The following LUM variants were observed in gnomAD, a reference collection of about 807,000 sequenced individuals.
LUM encodes KSPG lumican.
Under a neutral mutation model 20.5 loss-of-function variants are expected in LUM, and 13 were observed. The observed-to-expected ratio is 0.63, with a 90% confidence interval of 0.41 to 1.01. The LOEUF is 1.01. LUM is among the 50% of genes least tolerant of loss of function. The pLI, the probability that LUM is intolerant of heterozygous loss-of-function variation, is 0.00. For missense variants in LUM, 321 were observed against 391.1 expected, an observed-to-expected ratio of 0.82 and a Z score of 1.51; for synonymous variants, 173 against 151.5, an observed-to-expected ratio of 1.14 and a Z score of -1.04.
intron 2 of LUM, among the ~76,000 whole-genome samples, chr12:91,106,830 G>A (rs1880044679): frequency 6.6e-6 from 1 of 151,670 alleles, no homozygotes; most frequent in Non-Finnish European, 1.5e-5. Context: ...GATCATGACA[G>A]CAGAGTAACA....
At position 91,107,238 on chromosome 12, in the gene LUM, G is replaced by GGAAAGAAAGAAA. The variant is rs1555188589; in HGVS notation, c.862+868_862+879dup. 3.0e-4 allele frequency among the ~76,000 whole-genome samples: 20 copies of GGAAAGAAAGAAA among 67,360 alleles called. 3 individuals carry two copies. The East Asian group carries it at 4.3e-3, about 15-fold the overall frequency. 44.2% of individuals were successfully genotyped at this position (67,360 alleles called of 152,430 possible). ...AAGAGAGAAAGAAGAAAGAAAGAAA[G>GGAAAGAAAGAAA]GAAAGAAAGAAAGAAAGAAAGAAAG... On this transcript the variant is annotated intron_variant, in intron 2 of 2. Transcript: ENST00000266718.
intron 2 of LUM, among the ~76,000 whole-genome samples, chr12:91,106,824 A>G: frequency 6.6e-6 from 1 of 152,012 alleles, no homozygotes; most frequent in Admixed American, 6.6e-5. Flanking sequence ...GATGATGATC[A>G]TGACAGCAGA....
At chr12:91,104,651 C>A (rs1879990961) in intron 2 of LUM, among the ~76,000 whole-genome samples, 1 of 151,858 alleles carries the variant, frequency 6.6e-6, no homozygotes, top group Non-Finnish European at 1.5e-5. Flanking sequence ...AATAGTATAA[C>A]CTGAAGAAAT....
At chr12:91,107,369 A>G (rs1380636041) in intron 2 of LUM, among the ~76,000 whole-genome samples, 2 of 151,248 alleles carry the variant, frequency 1.3e-5, no homozygotes, top group Admixed American at 1.3e-4. Flanking sequence ...GGAAGAAAGA[A>G]AAAGAGAGAG....
chr12:91,105,589 C>G (rs1429787677), intron 2 of LUM, among the ~76,000 whole-genome samples: 2 of 152,094 alleles, frequency 1.3e-5, no homozygotes, highest in African/African-American at 2.4e-5. Context: ...TGATTATTAT[C>G]TGGCAAAATA....
At chr12:91,105,768 C>A (rs1056066158) in intron 2 of LUM, among the ~76,000 whole-genome samples, 2 of 152,162 alleles carry the variant, frequency 1.3e-5, no homozygotes, top group African/African-American at 4.8e-5. Context: ...GGCCTTTCTC[C>A]CATAGACCTC....
In LUM at chr12:91,108,358, G is replaced by C. The variant is rs1423881897; in HGVS notation, c.622C>G (p.Leu208Val). 4 of 1,614,172 alleles carry C rather than the reference G, an allele frequency of 2.5e-6. No homozygotes were observed. In the East Asian group the frequency reaches 8.9e-5, roughly 36 times the overall value. The change falls in exon 2 of 3, where the codon CTA (leucine) becomes GTA (valine). Residue 208 changes from leucine (L) to valine (V), a missense_variant. Physicochemically the swap from Leu to Val is conservative, Grantham distance 32. Transcript: ENST00000266718. This position sits in a 1 kb window ranked among gnomAD's most constrained non-coding sequence, Gnocchi z 4.2. ...RLPSGLPVSL[L>V]TLYLDNNKIS... ...TTATTGTTGTCTAAGTAGAGAGTTA[G>C]AAGAGAGACAGGGAGACCAGAAGGC... is the stretch of plus-strand genomic sequence containing the variant.
At position 91,108,478 on chromosome 12, in the gene LUM, G is replaced by T. The variant is rs778865513; in HGVS notation, c.502C>A (p.His168Asn). 2 of 1,614,086 alleles carry T rather than the reference G, an allele frequency of 1.2e-6. No homozygotes were observed. Among genetic ancestry groups the T allele is most frequent in the East Asian group, 4.5e-5 (2 of 44,852 alleles). The change falls in exon 2 of 3, where the codon CAC (histidine) becomes AAC (asparagine). Residue 168 changes from histidine (H) to asparagine (N), a missense_variant. Coordinates refer to ENST00000266718, the MANE Select transcript of LUM (RefSeq NM_002345.4). This position sits in a 1 kb window ranked among gnomAD's most constrained non-coding sequence, Gnocchi z 4.2. ...ACAGCATCCTCTTTCAGCCGATTGTGCTGGAGATGGATGAAGGTCAGGTTT... is the reference window on the plus strand; with the variant it reads ...ACAGCATCCTCTTTCAGCCGATTGTTCTGGAGATGGATGAAGGTCAGGTTT... ...LVNLTFIHLQ[H>N]NRLKEDAVSA...
chr12:91,105,829 G>A (rs1880017981), intron 2 of LUM, among the ~76,000 whole-genome samples: 1 of 152,126 alleles, frequency 6.6e-6, no homozygotes. Flanking sequence ...GCCTACTTCT[G>A]TATCCTTCTT....
Position 91,107,317 on chromosome 12 carries a change from GAAAGAA to G in LUM, c.862+795_862+800del, listed in dbSNP as rs1565758530. On this transcript the variant is annotated intron_variant, in intron 2 of 2. Coordinates refer to ENST00000266718, the MANE Select transcript of LUM (RefSeq NM_002345.4). The stretch of plus-strand genomic sequence containing the variant: ...AGAAAGAAAGAAAGAAAGAAAGAAA[GAAAGAA>G]AGAAAGAAAGAAAGAAAGAAAGGGA... 6.2e-4 allele frequency among the ~76,000 whole-genome samples: 73 copies of G among 116,998 alleles called. No individual in the cohort carries two copies. In the East Asian group the frequency reaches 6.3e-3, roughly 10 times the overall value. 76.8% of individuals were successfully genotyped at this position (116,998 alleles called of 152,430 possible).
chr12:91,110,271 A>T (rs1211892845), intron 1 of LUM, among the ~76,000 whole-genome samples: 1 of 152,228 alleles, frequency 6.6e-6, no homozygotes, highest in African/African-American at 2.4e-5. Flanking sequence ...TTTGGATCAA[A>T]GTAGTTTGGG....
intron 1 of LUM, among the ~76,000 whole-genome samples, chr12:91,111,049 G>T (rs1470642265): frequency 6.6e-6 from 1 of 152,010 alleles, no homozygotes; most frequent in Non-Finnish European, 1.5e-5. Context: ...ACTTTTCTTT[G>T]CTCCAGTATT....
In LUM at chr12:91,108,379, A is replaced by C. The variant is rs1483188415; in HGVS notation, c.601T>G (p.Ser201Ala). The C allele has an allele frequency of 1.2e-6, 2 of 1,614,048 alleles. No homozygotes were observed. Among genetic ancestry groups the C allele is most frequent in the African/African-American group, 2.7e-5 (2 of 74,926 alleles). The change falls in exon 2 of 3, where the codon TCT (serine) becomes GCT (alanine). Residue 201 changes from serine to alanine, a missense_variant. Transcript: ENST00000266718. This position sits in a 1 kb window ranked among gnomAD's most constrained non-coding sequence, Gnocchi z 4.2. ...GTTAGAAGAGAGACAGGGAGACCAG[A>C]AGGCAGTCTGGCTATCTGATTGAAG... is the stretch of plus-strand genomic sequence containing the variant. The part of the protein sequence containing the change: ...LSFNQIARLP[S>A]GLPVSLLTLY...
chr12:91,107,174 AAC>A (rs1306739167), intron 2 of LUM, among the ~76,000 whole-genome samples: 6 of 137,618 alleles, frequency 4.4e-5, no homozygotes, highest in African/African-American at 8.3e-5. Context: ...AAAGAAAGAA[AAC>A]GAAAGAAAGA....
chr12:91,106,266 C>T (rs1880030422), intron 2 of LUM, among the ~76,000 whole-genome samples: 1 of 152,086 alleles, frequency 6.6e-6, no homozygotes, highest in South Asian at 2.1e-4. Context: ...ACAGCAATAC[C>T]TTTATTCAGC....
Position 91,108,817 on chromosome 12 carries a change from C to T in LUM, c.163G>A (p.Glu55Lys), listed in dbSNP as rs1880137085. The T allele has an allele frequency of 2.5e-6, 4 of 1,614,036 alleles. No individual in the cohort carries two copies. Among genetic ancestry groups the T allele is most frequent in the African/African-American group, 1.3e-5 (1 of 75,008 alleles). ...ATTGGTACACTTTTCAATTTCAGCT[C>T]ATCACAGTACATGGCACTTGGGTAG... ...ESYPSAMYCD[E>K]LKLKSVPMVP... Residue 55 changes from glutamate to lysine, a missense_variant, in exon 2 of 3, where the codon GAG becomes AAG. Coordinates refer to ENST00000266718, the MANE Select transcript of LUM (RefSeq NM_002345.4). The surrounding 1 kb of genome is among the most constrained non-coding windows in gnomAD (Gnocchi z 4.2).
At chr12:91,105,905 C>T (rs1038261705) in intron 2 of LUM, among the ~76,000 whole-genome samples, 1 of 152,186 alleles carries the variant, frequency 6.6e-6, no homozygotes. Flanking sequence ...TAATGTACTC[C>T]GTCATCCCTT....
rs1740809228 is a variant in LUM at position 91,108,757 on chromosome 12, T to G, written c.223A>C (p.Asn75His). 1.9e-6 allele frequency: 3 copies of G among 1,614,020 alleles called. No homozygotes were observed. Among genetic ancestry groups the G allele is most frequent in the African/African-American group, 2.7e-5 (2 of 74,938 alleles). Reference protein sequence around the residue: ...PPGIKYLYLRNNQIDHIDEKA... With the variant: ...PPGIKYLYLRHNQIDHIDEKA... ...TCATCAATATGGTCAATCTGGTTAT[T>G]CCTAAGGTAAAGATACTTGATTCCA... The change falls in exon 2 of 3, where the codon AAT (asparagine) becomes CAT (histidine). Residue 75 changes from asparagine to histidine, a missense_variant. Coordinates refer to ENST00000266718, the MANE Select transcript of LUM (RefSeq NM_002345.4). This position sits in a 1 kb window ranked among gnomAD's most constrained non-coding sequence, Gnocchi z 4.2.
chr12:91,110,267 T>A (rs952334707), intron 1 of LUM, among the ~76,000 whole-genome samples: 2 of 152,212 alleles, frequency 1.3e-5, no homozygotes, highest in African/African-American at 4.8e-5. Flanking sequence ...AGCTTTTGGA[T>A]CAAAGTAGTT....
Sources: allele counts gnomAD v4.1 joint callset (sites outside exome capture counted in the v4.1 genomes callset), GRCh38; gene constraint gnomAD v4.1.1; non-coding constraint Gnocchi (gnomAD v3.1); transcripts MANE v1.5; gene names NCBI Gene and HGNC (gene_info 2026-07-23, HGNC 2026-07-21).